The following MYOM2 variants were observed in gnomAD, a reference collection of about 807,000 sequenced individuals.
MYOM2 encodes the protein myomesin-2.
Under a neutral mutation model 187.6 loss-of-function variants are expected in MYOM2, and 254 were observed. The observed-to-expected ratio is 1.35, with a 90% CI of 1.22 to 1.50. The LOEUF is 1.50. MYOM2 is among the 40% of genes most tolerant of loss of function. MYOM2 has a pLI of 0.00. For synonymous variants in MYOM2, 981 were observed against 753.8 expected (o/e 1.30, Z -4.94); for missense variants, 2,796 against 1,924.0 (o/e 1.45, Z -8.48).
At chr8:2,084,749 G>C (rs1294075559) in intron 13 of MYOM2, among the ~76,000 whole-genome samples, 1 of 152,192 alleles carries the variant, frequency 6.6e-6, no homozygotes, top group East Asian at 1.9e-4. Context: ...ATATGGTACT[G>C]AGCTTTTGAG....
rs1260965086 is a variant in MYOM2 at position 2,078,584 on chromosome 8, A to G, written c.1263-150A>G. 6.0e-6 allele frequency: 4 copies of G among 664,640 alleles called. No individual in the cohort carries two copies. The African/African-American group carries it at 7.2e-5, about 12-fold the overall frequency. The allele number at this position is 664,640 out of a possible 1,614,324, so 41.2% of individuals were successfully genotyped here. ...TAGCTCTGTCTTCTAATGTTTATCT[A>G]TACAAGTCAATATCTTAGCAGCAAA... On this transcript the variant is annotated intron_variant, in intron 11 of 36. Coordinates refer to ENST00000262113, the MANE Select transcript of MYOM2 (RefSeq NM_003970.4).
intron 30 of MYOM2, 46 bp from the exon 31 acceptor site, chr8:2,124,133 G>T (rs374035005): frequency 1.3e-6 from 2 of 1,571,590 alleles, no homozygotes; most frequent in African/African-American, 1.4e-5. Context: ...GCTGCTTTCG[G>T]TTAAAGTTAC....
At chr8:2,131,593 T>G (rs1017027176) in intron 32 of MYOM2, among the ~76,000 whole-genome samples, 10 of 152,022 alleles carry the variant, frequency 6.6e-5, no homozygotes, top group African/African-American at 2.4e-4. Context: ...TATTTCTATG[T>G]TTTATCTTCC....
Position 2,096,193 on chromosome 8 carries a change from G to A in MYOM2, c.2126-54G>A, listed in dbSNP as rs542552062. ...CCACACTGGAGCTGGCTGCCCCGGG[G>A]ACAAAGCCCCCAGCTGAGGCCCTCG... On this transcript the variant is annotated intron_variant, in intron 17 of 36. Coordinates refer to ENST00000262113, the MANE Select transcript of MYOM2 (RefSeq NM_003970.4). 8 of 1,565,670 alleles carry A rather than the reference G, an allele frequency of 5.1e-6. No individual in the cohort carries two copies. In the East Asian group the frequency reaches 9.0e-5, roughly 18 times the overall value.
chr8:2,132,313 C>T (rs1023464323), intron 32 of MYOM2, among the ~76,000 whole-genome samples: 3 of 144,976 alleles, frequency 2.1e-5, no homozygotes, highest in Non-Finnish European at 4.4e-5. Context: ...TAAGCAAAGA[C>T]AATTGTTCTT....
intron 5 of MYOM2, among the ~76,000 whole-genome samples, chr8:2,058,870 T>G (rs887368487): frequency 1.3e-5 from 2 of 152,226 alleles, no homozygotes; most frequent in Non-Finnish European, 2.9e-5. Flanking sequence ...GTGTTTCTTA[T>G]GGAATGACAA....
intron 11 of MYOM2, among the ~76,000 whole-genome samples, chr8:2,078,512 C>A (rs1819510541): frequency 6.6e-6 from 1 of 152,034 alleles, no homozygotes; most frequent in South Asian, 2.1e-4. Flanking sequence ...GCATATATTA[C>A]ATATATAATA....
intron 6 of MYOM2, among the ~76,000 whole-genome samples, chr8:2,059,464 A>G (rs1160543364): frequency 3.9e-5 from 6 of 152,212 alleles, no homozygotes; most frequent in Admixed American, 3.3e-4. Context: ...CTGGGAATAA[A>G]GACAGTAGAT....
At chr8:2,053,020 A>T (rs908089032) in intron 3 of MYOM2, among the ~76,000 whole-genome samples, 3 of 152,244 alleles carry the variant, frequency 2.0e-5, no homozygotes, top group Non-Finnish European at 2.9e-5. Context: ...TTTTAAGGAC[A>T]AAGTGAACAG....
intron 28 of MYOM2, chr8:2,119,525 T>G (rs1374718292): frequency 6.5e-6 from 1 of 153,066 alleles, no homozygotes; most frequent in Non-Finnish European, 1.5e-5. Context: ...ACGGGCTGGG[T>G]GCTGGGCTTT....
In MYOM2 at chr8:2,072,628, G is replaced by A. The variant is rs754318525; in HGVS notation, c.958+119G>A. The A allele has an allele frequency of 4.9e-6, 6 of 1,227,670 alleles. No homozygotes were observed. In the South Asian group the frequency reaches 6.2e-5, roughly 13 times the overall value. 76.0% of individuals were successfully genotyped at this position (1,227,670 alleles called of 1,614,324 possible). On this transcript the variant is annotated intron_variant, in intron 9 of 36. Transcript: ENST00000262113. The stretch of plus-strand genomic sequence containing the variant: ...TACCACTGGGTCAGCTCCAGACAGC[G>A]AAACAAACTGAGGGACTGTAGAGGA...
At chr8:2,046,397 T>C (rs1818311981) in intron 1 of MYOM2, among the ~76,000 whole-genome samples, 2 of 152,262 alleles carry the variant, frequency 1.3e-5, no homozygotes, top group Middle Eastern at 3.4e-3. Context: ...GCCGGGGAGC[T>C]GGGCTGTGGT....
intron 33 of MYOM2, 59 bp from the exon 34 acceptor site, chr8:2,141,082 T>G: frequency 6.6e-7 from 1 of 1,525,068 alleles, no homozygotes. Flanking sequence ...AATATTTGAG[T>G]GAATAAATAA....
At chr8:2,109,630 C>T (rs540059947) in intron 25 of MYOM2, 99 bp downstream of exon 25, 9 of 1,300,464 alleles carry the variant, frequency 6.9e-6, no homozygotes, top group African/African-American at 6.0e-5. Context: ...TGTTTCCATC[C>T]TTTTCTGAGC....
chr8:2,060,267 G>A (rs1818808360), intron 6 of MYOM2, among the ~76,000 whole-genome samples: 1 of 152,114 alleles, frequency 6.6e-6, no homozygotes, highest in South Asian at 2.1e-4. Flanking sequence ...GGAGCCAGAA[G>A]GCCACATTTA....
At chr8:2,096,656 G>A (rs1184817952) in intron 18 of MYOM2, among the ~76,000 whole-genome samples, 2 of 152,166 alleles carry the variant, frequency 1.3e-5, no homozygotes, top group Non-Finnish European at 2.9e-5. Context: ...GTGATGGAGT[G>A]GGCCTGACAG....
chr8:2,076,068 A>G, intron 10 of MYOM2, 73 bp from the exon 11 acceptor site: 1 of 1,417,964 alleles, frequency 7.1e-7, no homozygotes, highest in Non-Finnish European at 9.5e-7. Flanking sequence ...AGCTTGGAGG[A>G]GCTGTAAACA....
chr8:2,100,541 G>GAT, intron 19 of MYOM2: 1 of 278,950 alleles, frequency 3.6e-6, no homozygotes, highest in Non-Finnish European at 6.9e-6. Context: ...CAGGTGTCCA[G>GAT]CCCCGTGGAG....
rs139827456 is a variant in MYOM2, at chr8:2,109,484, G to A, written c.3133G>A (p.Ala1045Thr). The A allele has an allele frequency of 1.9e-6, 3 of 1,613,328 alleles. No individual in the cohort carries two copies. Among genetic ancestry groups the A allele is most frequent in the South Asian group, 2.2e-5 (2 of 91,040 alleles). ...WLQAEHLSPDASYRFIINDRE... is the reference protein window; with the variant it reads ...WLQAEHLSPDTSYRFIINDRE... ...CCAGGCTGAGCACTTATCACCAGAT[G>A]CCAGCTACCGATTTATTATTAACGA... is the stretch of plus-strand genomic sequence containing the variant. Residue 1045 changes from alanine to threonine, a missense_variant, in exon 25 of 37, where the codon GCC becomes ACC. Physicochemically the swap from Ala to Thr is moderately conservative, Grantham distance 58. Transcript: ENST00000262113.
Sources: allele counts gnomAD v4.1 joint callset (sites outside exome capture counted in the v4.1 genomes callset), GRCh38; gene constraint gnomAD v4.1.1; transcripts MANE v1.5; gene names NCBI Gene and HGNC (gene_info 2026-07-23, HGNC 2026-07-21).